Variants in UBE2R2 observed in about 807,000 individuals in gnomAD.
UBE2R2 encodes the protein ubiquitin-conjugating enzyme E2 R2.
In UBE2R2, 1 loss-of-function variant was observed where a neutral mutation model predicts 27.8. That is an observed-to-expected ratio of 0.04 (90% confidence interval 0.01 to 0.17). The LOEUF (loss-of-function observed/expected upper bound fraction) is 0.17. UBE2R2 is among the 10% of genes least tolerant of loss of function. The probability of loss-of-function intolerance (pLI) is 1.00; values close to 1 mark genes in which losing one functional copy is unlikely to be tolerated. For missense variants in UBE2R2, 100 were observed against 291.0 expected, an observed-to-expected ratio of 0.34 and a Z score of 4.78; for synonymous variants, 106 against 113.3, an observed-to-expected ratio of 0.94 and a Z score of 0.41.
At chr9:33,829,871 C>G (rs1281892021) in intron 1 of UBE2R2, among the ~76,000 whole-genome samples, 1 of 149,376 alleles carries the variant, frequency 6.7e-6, no homozygotes, top group Admixed American at 6.7e-5. Flanking sequence ...TCTCGGCTCA[C>G]CGCAACCTCC....
chr9:33,842,583 C>T (rs1820753787), intron 1 of UBE2R2, among the ~76,000 whole-genome samples: 1 of 151,788 alleles, frequency 6.6e-6, no homozygotes, highest in South Asian at 2.1e-4. Context: ...ATGAGATTTC[C>T]TCTTTGAAAA....
At chr9:33,819,836 A>G (rs1429229683) in intron 1 of UBE2R2, among the ~76,000 whole-genome samples, 5 of 152,028 alleles carry the variant, frequency 3.3e-5, no homozygotes, top group Non-Finnish European at 7.4e-5. Flanking sequence ...ATGGGGTTTC[A>G]CCATATTGGC....
intron 1 of UBE2R2, among the ~76,000 whole-genome samples, chr9:33,835,144 G>GT (rs1820587552): frequency 9.7e-6 from 1 of 103,410 alleles, no homozygotes; most frequent in African/African-American, 3.8e-5. Context: ...TCTAAGTGTA[G>GT]GTTTTTTTTT....
intron 1 of UBE2R2, among the ~76,000 whole-genome samples, chr9:33,870,939 C>T (rs1821473358): frequency 6.6e-6 from 1 of 152,144 alleles, no homozygotes; most frequent in South Asian, 2.1e-4. Flanking sequence ...GACTATACTT[C>T]CTGTGTGTCT....
Position 33,862,105 on chromosome 9 carries a change from G to A in UBE2R2, c.178-24776G>A, listed in dbSNP as rs576701837. Among the ~76,000 whole-genome samples the A allele has an allele frequency of 9.9e-5, 15 of 151,800 alleles. No individual in the cohort carries two copies. In the South Asian group the frequency reaches 2.5e-3, roughly 25 times the overall value. On this transcript the variant is annotated intron_variant, in intron 1 of 4. Coordinates refer to ENST00000263228, the MANE Select transcript of UBE2R2 (RefSeq NM_017811.4). ...CCTGACCTCATGATTCACCTGCCTC[G>A]GCCTCCCAAAGTGCTGGAATTACAG...
At chr9:33,865,993 G>A (rs1185649359) in intron 1 of UBE2R2, among the ~76,000 whole-genome samples, 1 of 151,578 alleles carries the variant, frequency 6.6e-6, no homozygotes, top group Non-Finnish European at 1.5e-5. Context: ...CACCACACTC[G>A]GCTAATTTTT....
Position 33,817,585 on chromosome 9 carries a change from C to T in UBE2R2, c.-173C>T, listed in dbSNP as rs879582873. On this transcript the variant is annotated 5_prime_UTR_variant, in exon 1 of 5. Coordinates refer to ENST00000263228, the MANE Select transcript of UBE2R2 (RefSeq NM_017811.4). ...GCCTGCGTCGTGTGTGAGGAGGACCCCGGGCGGGCCCACGGGCCGTGTGGG... is the reference window on the plus strand; with the variant it reads ...GCCTGCGTCGTGTGTGAGGAGGACCTCGGGCGGGCCCACGGGCCGTGTGGG... The T allele has an allele frequency of 3.0e-6, 2 of 667,504 alleles. No homozygotes were observed. The highest frequency in any genetic ancestry group is 3.8e-6 in the Non-Finnish European group (2 of 519,688). 41.3% of individuals were successfully genotyped at this position (667,504 alleles called of 1,614,324 possible).
chr9:33,834,151 C>T (rs1313360807), intron 1 of UBE2R2, among the ~76,000 whole-genome samples: 2 of 150,364 alleles, frequency 1.3e-5, no homozygotes, highest in Admixed American at 1.3e-4. Context: ...TTCCTACCAG[C>T]TCAGTGGTTG....
chr9:33,865,184 GTCTC>G (rs756129346), intron 1 of UBE2R2, among the ~76,000 whole-genome samples: 7 of 149,170 alleles, frequency 4.7e-5, no homozygotes, highest in East Asian at 2.0e-4. Flanking sequence ...CTGTCTCTCT[GTCTC>G]TCTCTCTATC....
chr9:33,869,813 T>G (rs1441937503), intron 1 of UBE2R2, among the ~76,000 whole-genome samples: 1 of 152,000 alleles, frequency 6.6e-6, no homozygotes, highest in Non-Finnish European at 1.5e-5. Context: ...TGCCTAGATA[T>G]TTTTTATTTT....
At chr9:33,881,628 G>T (rs1259295897) in intron 1 of UBE2R2, among the ~76,000 whole-genome samples, 1 of 152,146 alleles carries the variant, frequency 6.6e-6, no homozygotes, top group Non-Finnish European at 1.5e-5. Context: ...GATGGGTCAG[G>T]TTTGGTAGAA....
At chr9:33,858,438 G>A (rs959515261) in intron 1 of UBE2R2, among the ~76,000 whole-genome samples, 2 of 151,346 alleles carry the variant, frequency 1.3e-5, no homozygotes, top group South Asian at 2.1e-4. Flanking sequence ...TTCCTCAGAC[G>A]GTGTCTCACT....
At chr9:33,835,560 A>G (rs970483315) in intron 1 of UBE2R2, among the ~76,000 whole-genome samples, 8 of 152,108 alleles carry the variant, frequency 5.3e-5, no homozygotes, top group Admixed American at 2.6e-4. Context: ...AGGAAACTTT[A>G]TATGTCCTTA....
At chr9:33,856,093 T>G (rs1460708850) in intron 1 of UBE2R2, among the ~76,000 whole-genome samples, 2 of 152,162 alleles carry the variant, frequency 1.3e-5, no homozygotes, top group Non-Finnish European at 2.9e-5. Flanking sequence ...GCTCTTACCC[T>G]GTCCTGGTTT....
chr9:33,869,355 A>G (rs1281321319), intron 1 of UBE2R2, among the ~76,000 whole-genome samples: 2 of 152,060 alleles, frequency 1.3e-5, no homozygotes, highest in Non-Finnish European at 2.9e-5. Flanking sequence ...AATACTGCAC[A>G]TTGGGGGTTA....
chr9:33,897,172 G>A (rs1822129639), intron 2 of UBE2R2, among the ~76,000 whole-genome samples: 1 of 151,208 alleles, frequency 6.6e-6, no homozygotes, highest in Non-Finnish European at 1.5e-5. Context: ...GAGTAGCTGG[G>A]ACTACAGGCG....
rs530016387 is a variant in UBE2R2 at position 33,821,620 on chromosome 9, A to T, written c.177+3686A>T. 3.3e-4 allele frequency among the ~76,000 whole-genome samples: 48 copies of T among 146,000 alleles called. 1 individual carries two copies. In the South Asian group the frequency reaches 5.4e-3, roughly 16 times the overall value. ...TTTATGATATGCATAACAAAAAAAA[A>T]TTTTTTTTTTTTTTGAGATGGAGTC... On this transcript the variant is annotated intron_variant, in intron 1 of 4. Transcript: ENST00000263228.
chr9:33,859,435 T>TA (rs1554673556), intron 1 of UBE2R2, among the ~76,000 whole-genome samples: 1 of 152,224 alleles, frequency 6.6e-6, no homozygotes, highest in Non-Finnish European at 1.5e-5. Context: ...TCCTTGAGAA[T>TA]ATCCCTGTTT....
Position 33,817,786 on chromosome 9 carries a change from A to C in UBE2R2, c.29A>C (p.Gln10Pro). 1 of 1,602,416 alleles carries C rather than the reference A, an allele frequency of 6.2e-7. No individual in the cohort carries two copies. The highest frequency in any genetic ancestry group is 8.5e-7 in the Non-Finnish European group (1 of 1,174,598). The change falls in exon 1 of 5, where the codon CAG (glutamine) becomes CCG (proline). Residue 10 changes from glutamine (Q) to proline (P), a missense_variant. By Grantham distance (76) the Gln-to-Pro change is moderately conservative. Transcript: ENST00000263228. ...GCCCAGCAGCAGATGACCAGCTCGC[A>C]GAAGGCCCTGATGCTCGAGCTGAAA... MAQQQMTSS[Q>P]KALMLELKSL...
Sources: allele counts gnomAD v4.1 joint callset (sites outside exome capture counted in the v4.1 genomes callset), GRCh38; gene constraint gnomAD v4.1.1; transcripts MANE v1.5; gene names NCBI Gene and HGNC (gene_info 2026-07-23, HGNC 2026-07-21).